The following PRKAA2 variants were observed in gnomAD, a reference collection of about 807,000 sequenced individuals.
PRKAA2 encodes 5'-AMP-activated protein kinase catalytic subunit alpha-2.
In PRKAA2, 40 loss-of-function variants were observed where a neutral mutation model predicts 56.3. The ratio of observed to expected loss-of-function variants is 0.71; its 90% CI spans 0.55 to 0.92. PRKAA2 has a LOEUF of 0.92. Among genes scored for constraint, PRKAA2 ranks in the 40% least tolerant of loss-of-function variants. The probability of loss-of-function intolerance (pLI) is 0.00; values close to 1 mark genes in which losing one functional copy is unlikely to be tolerated. For synonymous variants in PRKAA2, 214 were observed against 234.2 expected (o/e 0.91, Z 0.79); for missense variants, 542 against 686.9 (o/e 0.79, Z 2.36).
chr1:56,685,464 C>T (rs911824239), intron 2 of PRKAA2, among the ~76,000 whole-genome samples: 14 of 152,030 alleles, frequency 9.2e-5, no homozygotes, highest in African/African-American at 3.4e-4. Flanking sequence ...AGAATTCATT[C>T]ATTACTAGAC....
chr1:56,690,574 C>T (rs1285273274), intron 2 of PRKAA2, among the ~76,000 whole-genome samples: 2 of 152,196 alleles, frequency 1.3e-5, no homozygotes, highest in Admixed American at 1.3e-4. Context: ...TTATTTGAAT[C>T]AGAATCAAAA....
chr1:56,707,645 C>A lies in PRKAA2; in HGVS notation c.1591C>A (p.Arg531Ser). ...TGSTLSSVSPRLGSHTMDFFE... is the reference protein window; with the variant it reads ...TGSTLSSVSPSLGSHTMDFFE... The stretch of plus-strand genomic sequence containing the variant: ...AAGCACATTGTCTTCAGTTTCACCT[C>A]GCCTGGGCAGTCACACCATGGATTT... The change falls in exon 9 of 9, where the codon CGC becomes AGC. Residue 531 changes from arginine to serine, a missense_variant. Transcript: ENST00000371244. 1 of 1,614,058 alleles carries A rather than the reference C, an allele frequency of 6.2e-7. No homozygotes were observed. Among genetic ancestry groups the A allele is most frequent in the Non-Finnish European group, 8.5e-7 (1 of 1,179,944 alleles).
At chr1:56,685,212 TATG>T (rs1644182536) in intron 2 of PRKAA2, among the ~76,000 whole-genome samples, 1 of 152,220 alleles carries the variant, frequency 6.6e-6, no homozygotes, top group African/African-American at 2.4e-5. Flanking sequence ...TCTAGAGCAC[TATG>T]ATGTTAACAT....
rs988627136 is a variant in PRKAA2 at position 56,709,729 on chromosome 1, CAGAA to C, written c.*2017_*2020del. 1 of 152,068 alleles carries C rather than the reference CAGAA, an allele frequency of 6.6e-6. No individual in the cohort carries two copies. The highest frequency in any genetic ancestry group is 1.5e-5 in the Non-Finnish European group (1 of 67,968). The allele number at this position is 152,068 out of a possible 1,614,324, so 9.4% of individuals were successfully genotyped here. On this transcript the variant is annotated 3_prime_UTR_variant, in exon 9 of 9. Coordinates refer to ENST00000371244, the MANE Select transcript of PRKAA2 (RefSeq NM_006252.4). Reference sequence around the variant, plus strand: ...CACAAAAATTTTGAAGGCAGAGAAACAGAAGGAATCCAGTGATGTTTTAGCTCCA... The same window carrying C: ...CACAAAAATTTTGAAGGCAGAGAAACGGAATCCAGTGATGTTTTAGCTCCA...
At chr1:56,659,986 A>C (rs922426366) in intron 1 of PRKAA2, among the ~76,000 whole-genome samples, 5 of 152,194 alleles carry the variant, frequency 3.3e-5, no homozygotes, top group African/African-American at 1.2e-4. Flanking sequence ...TACTAAAATA[A>C]ATTATTTTCA....
chr1:56,673,710 G>A (rs1644093667), intron 1 of PRKAA2, among the ~76,000 whole-genome samples: 1 of 152,224 alleles, frequency 6.6e-6, no homozygotes, highest in Admixed American at 6.5e-5. Context: ...TACTTCCTGA[G>A]AGATTCAGAT....
intron 6 of PRKAA2, among the ~76,000 whole-genome samples, chr1:56,697,519 C>T (rs916669782): frequency 6.6e-6 from 1 of 152,048 alleles, no homozygotes; most frequent in Non-Finnish European, 1.5e-5. Context: ...TGTAAATTAG[C>T]CACCAGATTT....
chr1:56,700,769 C>G (rs1353531727), intron 6 of PRKAA2, among the ~76,000 whole-genome samples: 1 of 151,968 alleles, frequency 6.6e-6, no homozygotes, highest in African/African-American at 2.4e-5. Context: ...AATGACAGTT[C>G]TCTCATGGTA....
In PRKAA2 at chr1:56,713,799, T is replaced by C. The variant is rs1644385423; in HGVS notation, c.*6086T>C. The stretch of plus-strand genomic sequence containing the variant: ...AGTTTTGCTACCAAAAATGGCCATT[T>C]TTCTAGACAGATAACATTTTCCTAA... On this transcript the variant is annotated 3_prime_UTR_variant, in exon 9 of 9. Coordinates refer to ENST00000371244, the MANE Select transcript of PRKAA2 (RefSeq NM_006252.4). 1 of 151,084 alleles carries C rather than the reference T, an allele frequency of 6.6e-6. No homozygotes were observed. The highest frequency in any genetic ancestry group is 2.4e-5 in the African/African-American group (1 of 40,974). The allele number at this position is 151,084 out of a possible 1,614,324, so 9.4% of individuals were successfully genotyped here.
At chr1:56,680,325 A>C (rs949838646) in intron 2 of PRKAA2, among the ~76,000 whole-genome samples, 7 of 152,148 alleles carry the variant, frequency 4.6e-5, no homozygotes, top group African/African-American at 1.7e-4. Flanking sequence ...TGAAGTACTT[A>C]GGAGCAGGAA....
intron 1 of PRKAA2, among the ~76,000 whole-genome samples, chr1:56,673,773 T>G (rs1644094178): frequency 6.6e-6 from 1 of 152,196 alleles, no homozygotes; most frequent in Non-Finnish European, 1.5e-5. Context: ...TCAGGTCATG[T>G]GATTGTCACA....
At chr1:56,704,956 G>C (rs1421204671) in intron 7 of PRKAA2, among the ~76,000 whole-genome samples, 1 of 151,862 alleles carries the variant, frequency 6.6e-6, no homozygotes, top group Non-Finnish European at 1.5e-5. Flanking sequence ...CTTTTATTTG[G>C]CTAGTGCTTT....
chr1:56,653,741 G>T (rs187289707), intron 1 of PRKAA2, among the ~76,000 whole-genome samples: 2 of 152,204 alleles, frequency 1.3e-5, no homozygotes, highest in Admixed American at 1.3e-4. Flanking sequence ...AGAGAGGGAA[G>T]AATTCACTAC....
chr1:56,674,662 A>G, intron 2 of PRKAA2, 140 bp downstream of exon 2: 1 of 603,618 alleles, frequency 1.7e-6, no homozygotes, highest in Non-Finnish European at 2.4e-6. Flanking sequence ...TAATTCATTT[A>G]ACCTTTATCA....
At chr1:56,647,501 G>A (rs1254028722) in intron 1 of PRKAA2, among the ~76,000 whole-genome samples, 1 of 152,022 alleles carries the variant, frequency 6.6e-6, no homozygotes, top group African/African-American at 2.4e-5. Context: ...TTGTTTCCAG[G>A]CACTGGCTTC....
intron 1 of PRKAA2, among the ~76,000 whole-genome samples, 154 bp downstream of exon 1, chr1:56,645,635 G>A (rs1443444104): frequency 6.6e-6 from 1 of 151,908 alleles, no homozygotes; most frequent in Non-Finnish European, 1.5e-5. Flanking sequence ...GGAGGGTGGC[G>A]CGCACCGCCT....
In PRKAA2 at chr1:56,646,378, C is replaced by A. The variant is rs986385735; in HGVS notation, c.94+897C>A. Among the ~76,000 whole-genome samples, 6 of 152,298 alleles carry A rather than the reference C, an allele frequency of 3.9e-5. No individual in the cohort carries two copies. In the East Asian group the frequency reaches 1.2e-3, roughly 29 times the overall value. On this transcript the variant is annotated intron_variant, in intron 1 of 8. Transcript: ENST00000371244. The stretch of plus-strand genomic sequence containing the variant: ...GGATTTGAGGCTGAGGAGGTCAGGA[C>A]TGCTAAGGCATATTCTGCTAAGGTC...
At chr1:56,702,825 A>G (rs535833954) in intron 6 of PRKAA2, among the ~76,000 whole-genome samples, 8 of 152,330 alleles carry the variant, frequency 5.3e-5, no homozygotes, top group East Asian at 1.9e-4. Flanking sequence ...TTCTCTTGCA[A>G]TCTTTATCAC....
chr1:56,671,160 T>C (rs1387822311), intron 1 of PRKAA2, among the ~76,000 whole-genome samples: 1 of 152,222 alleles, frequency 6.6e-6, no homozygotes, highest in Admixed American at 6.5e-5. Context: ...AAATCTGTAT[T>C]TATTACAAGA....
Sources: allele counts gnomAD v4.1 joint callset (sites outside exome capture counted in the v4.1 genomes callset), GRCh38; gene constraint gnomAD v4.1.1; transcripts MANE v1.5; gene names NCBI Gene and HGNC (gene_info 2026-07-23, HGNC 2026-07-21).